The following ADAM9 variants were observed in gnomAD, a reference collection of about 807,000 sequenced individuals.
The protein encoded by ADAM9 is disintegrin and metalloproteinase domain-containing protein 9.
In ADAM9, 54 loss-of-function variants were observed where a neutral mutation model predicts 108.1. The observed-to-expected ratio is 0.50, with a 90% confidence interval of 0.40 to 0.63. The LOEUF (loss-of-function observed/expected upper bound fraction) is 0.63, where lower values mean the gene tolerates loss of function less well. Ranked by LOEUF, ADAM9 falls within the 20% of genes least tolerant of loss-of-function variation. The probability of loss-of-function intolerance (pLI) is 0.00; values close to 1 mark genes in which losing one functional copy is unlikely to be tolerated. For missense variants in ADAM9, 830 were observed against 997.7 expected, an observed-to-expected ratio of 0.83 and a Z score of 2.26; for synonymous variants, 316 against 336.0, an observed-to-expected ratio of 0.94 and a Z score of 0.65.
chr8:39,096,362 T>A (rs866185387), intron 20 of ADAM9, among the ~76,000 whole-genome samples: 14 of 126,280 alleles, frequency 1.1e-4, no homozygotes, highest in East Asian at 5.9e-4. Context: ...ATCTTTGCAA[T>A]TACATAAAAT....
chr8:39,025,791 A>C lies in ADAM9; in HGVS notation c.915-12A>C. ...CCCAAGAACATTTTTTAACTTTTAC[A>C]TTTTCATTTAGAAAGAAAGGTTTTG... is the stretch of plus-strand genomic sequence containing the variant. On this transcript the variant is annotated splice_polypyrimidine_tract_variant and intron_variant, in intron 9 of 21. Coordinates refer to ENST00000487273, the MANE Select transcript of ADAM9 (RefSeq NM_003816.3). 6.2e-7 allele frequency: 1 copy of C among 1,613,330 alleles called. No individual in the cohort carries two copies. The highest frequency in any genetic ancestry group is 8.5e-7 in the Non-Finnish European group (1 of 1,179,482).
At chr8:39,058,466 A>G (rs1838196624) in intron 14 of ADAM9, among the ~76,000 whole-genome samples, 1 of 152,208 alleles carries the variant, frequency 6.6e-6, no homozygotes, top group Non-Finnish European at 1.5e-5. Context: ...TTGGGTTGTT[A>G]AAGTTTTCCA....
intron 18 of ADAM9, among the ~76,000 whole-genome samples, chr8:39,084,219 C>A (rs906835892): frequency 6.6e-6 from 1 of 152,004 alleles, no homozygotes; most frequent in Non-Finnish European, 1.5e-5. Context: ...GTCACTGATT[C>A]AAGTATTCAA....
chr8:39,078,664 C>G (rs769262357), intron 16 of ADAM9, among the ~76,000 whole-genome samples: 1 of 152,060 alleles, frequency 6.6e-6, no homozygotes, highest in Non-Finnish European at 1.5e-5. Flanking sequence ...GCCTGTAGTC[C>G]TAACTACTCA....
rs1394649588 is a variant in ADAM9 at position 39,104,787 on chromosome 8, A to G, written c.*1087A>G. 2 of 453,724 alleles carry G rather than the reference A, an allele frequency of 4.4e-6. No homozygotes were observed. Among genetic ancestry groups the G allele is most frequent in the African/African-American group, 4.0e-5 (2 of 49,978 alleles). The allele number at this position is 453,724 out of a possible 1,614,324, so 28.1% of individuals were successfully genotyped here. A position where few individuals can be genotyped will look rare whatever the true frequency, so the allele number is the denominator to read the frequency against. On this transcript the variant is annotated 3_prime_UTR_variant, in exon 22 of 22. Coordinates refer to ENST00000487273, the MANE Select transcript of ADAM9 (RefSeq NM_003816.3). ...GTTACTGTGGTATCTATGAGTTATC[A>G]TCTTAGCTGTGTTAAAAATGAATTT...
At chr8:39,083,225 C>T in intron 18 of ADAM9, 152 bp downstream of exon 18, 1 of 676,148 alleles carries the variant, frequency 1.5e-6, no homozygotes, top group Non-Finnish European at 2.6e-6. Flanking sequence ...TTCCATTTTT[C>T]TCATCCCCAT....
chr8:39,089,283 T>C (rs1839275783), intron 18 of ADAM9, among the ~76,000 whole-genome samples: 1 of 152,086 alleles, frequency 6.6e-6, no homozygotes, highest in South Asian at 2.1e-4. Flanking sequence ...CAACTCATAG[T>C]ATAAAAAAAT....
intron 8 of ADAM9, 120 bp from the exon 9 acceptor site, chr8:39,023,036 A>C: frequency 1.1e-6 from 1 of 906,356 alleles, no homozygotes; most frequent in Non-Finnish European, 1.7e-6. Context: ...TATTAAAGGA[A>C]AGATAGTTTT....
intron 10 of ADAM9, among the ~76,000 whole-genome samples, chr8:39,026,170 G>A (rs1410547427): frequency 6.6e-6 from 1 of 152,122 alleles, no homozygotes; most frequent in Non-Finnish European, 1.5e-5. Context: ...ATGTGCCATG[G>A]TGGTTTGCTG....
chr8:39,024,044 T>C (rs1836842417), intron 9 of ADAM9, among the ~76,000 whole-genome samples: 1 of 152,126 alleles, frequency 6.6e-6, no homozygotes, highest in Admixed American at 6.5e-5. Context: ...GGGTATAAAA[T>C]TGTATCCGTG....
chr8:39,075,907 T>C (rs1032421290), intron 15 of ADAM9: 4 of 152,214 alleles, frequency 2.6e-5, no homozygotes, highest in Non-Finnish European at 4.4e-5. Context: ...TCAGGTCAGC[T>C]AGCAAATAAA....
At chr8:39,052,308 G>C (rs1345208453) in intron 12 of ADAM9, among the ~76,000 whole-genome samples, 1 of 151,856 alleles carries the variant, frequency 6.6e-6, no homozygotes, top group Non-Finnish European at 1.5e-5. Context: ...CAGTTCTGTT[G>C]GTTCATTAAA....
chr8:39,008,797 C>T (rs1836250345), intron 2 of ADAM9, among the ~76,000 whole-genome samples: 1 of 152,120 alleles, frequency 6.6e-6, no homozygotes. Flanking sequence ...ACCTACTGTG[C>T]TGTAAATGGG....
rs1564297674 is a variant in ADAM9 at position 39,045,118 on chromosome 8, G to GTGTA, written c.1302+3004_1302+3005insATGT. Among the ~76,000 whole-genome samples the GTGTA allele has an allele frequency of 6.9e-5, 5 of 72,016 alleles. 2 individuals are homozygous for GTGTA. Among genetic ancestry groups the GTGTA allele is most frequent in the East Asian group, 8.6e-4 (2 of 2,334 alleles). The allele number at this position is 72,016 out of a possible 152,430, so 47.2% of individuals were successfully genotyped here. A position where few individuals can be genotyped will look rare whatever the true frequency, so the allele number is the denominator to read the frequency against. On this transcript the variant is annotated intron_variant, in intron 12 of 21. Coordinates refer to ENST00000487273, the MANE Select transcript of ADAM9 (RefSeq NM_003816.3). The stretch of plus-strand genomic sequence containing the variant: ...TATGTGTGTGTGCATACATACATAT[G>GTGTA]TGTGTGTGCATACATACATATATGT...
At chr8:39,023,740 G>GTTTTTTTTTT (rs869059346) in intron 9 of ADAM9, among the ~76,000 whole-genome samples, 7 of 78,902 alleles carry the variant, frequency 8.9e-5, no homozygotes, top group East Asian at 3.6e-4. Context: ...TTTTGCGTTT[G>GTTTTTTTTTT]TTTTTTTTTT....
intron 12 of ADAM9, among the ~76,000 whole-genome samples, chr8:39,049,319 A>G (rs1837875673): frequency 6.6e-6 from 1 of 152,068 alleles, no homozygotes; most frequent in African/African-American, 2.4e-5. Context: ...TTAAGCTGAT[A>G]ACAACTTAAC....
Position 38,997,101 on chromosome 8 carries a change from G to T in ADAM9, c.38G>T (p.Arg13Leu). ...SGARFPSGTLRVRWLLLLGLV... is the reference protein window; with the variant it reads ...SGARFPSGTLLVRWLLLLGLV... ...GCGCGCTTTCCCTCGGGGACCCTTC[G>T]TGTCCGGTGGTTGCTGTTGCTTGGC... Residue 13 changes from arginine (R) to leucine (L), a missense_variant, in exon 1 of 22, where the codon CGT (arginine) becomes CTT (leucine). By Grantham distance (102) the Arg-to-Leu change is moderately radical. This residue lies in a region of ADAM9 where 211 missense variants were observed against 222.2 expected (regional missense o/e 0.95). Coordinates refer to ENST00000487273, the MANE Select transcript of ADAM9 (RefSeq NM_003816.3). 1 of 1,606,498 alleles carries T rather than the reference G, an allele frequency of 6.2e-7. No homozygotes were observed. The highest frequency in any genetic ancestry group is 8.5e-7 in the Non-Finnish European group (1 of 1,179,596).
chr8:39,054,497 C>A lies in ADAM9; in HGVS notation c.1319C>A (p.Pro440His). 6.2e-7 allele frequency: 1 copy of A among 1,611,746 alleles called. No individual in the cohort carries two copies. Among genetic ancestry groups the A allele is most frequent in the Non-Finnish European group, 8.5e-7 (1 of 1,178,988 alleles). ...TGTTCACAGGAATGTGAATTGGACC[C>A]TTGCTGCGAAGGAAGTACCTGTAAG... ...CGTPKECELD[P>H]CCEGSTCKLK... Residue 440 changes from proline (P) to histidine (H), a missense_variant, in exon 13 of 22, where the codon CCT (proline) becomes CAT (histidine). Transcript: ENST00000487273.
At chr8:39,059,474 C>T (rs1277905822) in intron 14 of ADAM9, among the ~76,000 whole-genome samples, 6 of 152,318 alleles carry the variant, frequency 3.9e-5, no homozygotes, top group Non-Finnish European at 8.8e-5. Context: ...GCCCACGCAT[C>T]GCCTCCAACC....
Sources: gnomAD v4.1 joint callset for allele counts (sites outside exome capture counted in the v4.1 genomes callset) on GRCh38, gnomAD v4.1.1 for gene constraint, gnomAD v4.1.1 regional missense constraint, MANE v1.5 for transcripts, NCBI Gene and HGNC (gene_info 2026-07-23, HGNC 2026-07-21) for gene names.